MUC5B: variants seen among roughly 807,000 people sequenced by gnomAD.
The protein encoded by MUC5B is mucin-5B.
MUC5B carries 116 observed loss-of-function variants against 376.9 expected under a neutral mutation model. The ratio of observed to expected loss-of-function variants is 0.31; its 90% CI spans 0.26 to 0.36. The LOEUF is 0.36. Among genes scored for constraint, MUC5B ranks in the 10% least tolerant of loss-of-function variants. MUC5B has a pLI of 1.00. For missense variants in MUC5B, 7,165 were observed against 7,769.9 expected, an observed-to-expected ratio of 0.92 and a Z score of 2.93; for synonymous variants, 3,517 against 3,390.9, an observed-to-expected ratio of 1.04 and a Z score of -1.29.
intron 6 of MUC5B, 131 bp from the exon 7 acceptor site, chr11:1,227,544 G>A (rs1333905285): frequency 1.4e-6 from 1 of 693,262 alleles, no homozygotes; most frequent in Non-Finnish European, 2.6e-6. Context: ...ATGGTGGGAG[G>A]AGTGCCCCTC....
In MUC5B at chr11:1,257,307, C is replaced by G. The variant is rs773721158; in HGVS notation, c.16269+36C>G. ...CCACCCCCACCTGCCCTACCCCACCCTCTCGCGAGCTGAGGGAGGGAGGGA... is the reference window on the plus strand; with the variant it reads ...CCACCCCCACCTGCCCTACCCCACCGTCTCGCGAGCTGAGGGAGGGAGGGA... On this transcript the variant is annotated intron_variant, in intron 40 of 48. Coordinates refer to ENST00000529681, the MANE Select transcript of MUC5B (RefSeq NM_002458.3). The surrounding 1 kb of genome is among the most constrained non-coding windows in gnomAD (Gnocchi z 8.9). 2.5e-6 allele frequency: 2 copies of G among 787,330 alleles called. No homozygotes were observed. The highest frequency in any genetic ancestry group is 2.7e-5 in the South Asian group (2 of 74,666). 48.8% of individuals were successfully genotyped at this position (787,330 alleles called of 1,614,324 possible).
At position 1,256,787 on chromosome 11, in the gene MUC5B, T is replaced by G; in HGVS notation, c.16237+16T>G. On this transcript the variant is annotated intron_variant, in intron 39 of 48. Transcript: ENST00000529681. Reference sequence around the variant, plus strand: ...CAGGCCTGCCGTAAGCTCCGCCACCTGTGGCGGGATACGACCCTGGGCCCG... The same window carrying G: ...CAGGCCTGCCGTAAGCTCCGCCACCGGTGGCGGGATACGACCCTGGGCCCG... The G allele has an allele frequency of 4.0e-6, 6 of 1,509,932 alleles. No homozygotes were observed. The highest frequency in any genetic ancestry group is 5.3e-6 in the Non-Finnish European group (6 of 1,127,576). 93.5% of individuals were successfully genotyped at this position (1,509,932 alleles called of 1,614,324 possible). A position where few individuals can be genotyped will look rare whatever the true frequency, so the allele number is the denominator to read the frequency against.
At position 1,249,465 on chromosome 11, in the gene MUC5B, G is replaced by A. The variant is rs1191266004; in HGVS notation, c.12585G>A (p.Leu4195=). Residue 4195 remains leucine, a synonymous_variant, in exon 31 of 49, where the codon CTG becomes CTA. Coordinates refer to ENST00000529681, the MANE Select transcript of MUC5B (RefSeq NM_002458.3). ...TGGGCCAGGTCGTGGAATGCAGCCT[G>A]GACTTTGGCCTGGTCTGCAGGAACC... is the stretch of plus-strand genomic sequence containing the variant. The part of the protein sequence containing the change: ...GELGQVVECS[L]DFGLVCRNRE... 6.2e-7 allele frequency: 1 copy of A among 1,611,474 alleles called. No homozygotes were observed. Among genetic ancestry groups the A allele is most frequent in the Admixed American group, 1.7e-5 (1 of 59,998 alleles).
At position 1,247,139 on chromosome 11, in the gene MUC5B, C is replaced by T. The variant is rs1257501062; in HGVS notation, c.10259C>T (p.Thr3420Ile). 1 of 1,533,896 alleles carries T rather than the reference C, an allele frequency of 6.5e-7. No homozygotes were observed. Among genetic ancestry groups the T allele is most frequent in the Non-Finnish European group, 8.9e-7 (1 of 1,126,240 alleles). ...ACAACTCCCATCCCCCCAGTGCTGA[C>T]CACCACCGCCACCACACCTGCAGCC... ...PGTTPIPPVL[T>I]TTATTPAATS... is the part of the protein sequence containing the mutation. Residue 3420 changes from threonine to isoleucine, a missense_variant, in exon 31 of 49, where the codon ACC becomes ATC. Thr to Ile is a moderately conservative substitution (Grantham distance 89). This residue lies in a region of MUC5B where 939 missense variants were observed against 770.6 expected (regional missense o/e 1.22). Transcript: ENST00000529681.
Position 1,240,090 on chromosome 11 carries a change from T to C in MUC5B, c.3772+2T>C. ...TCCAGTGCGCTCACAGCCTTGAGGG[T>C]AAGGAAGGGCCGGGGGGTTAGTGGG... is the stretch of plus-strand genomic sequence containing the variant. On this transcript the variant is annotated splice_donor_variant, in intron 29 of 48. Coordinates refer to ENST00000529681, the MANE Select transcript of MUC5B (RefSeq NM_002458.3). LOFTEE classifies it high-confidence loss of function. 1 of 1,562,388 alleles carries C rather than the reference T, an allele frequency of 6.4e-7. No individual in the cohort carries two copies. The highest frequency in any genetic ancestry group is 8.7e-7 in the Non-Finnish European group (1 of 1,151,664).
chr11:1,229,035 C>T (rs1162173218), intron 8 of MUC5B, 135 bp from the exon 9 acceptor site: 14 of 1,138,242 alleles, frequency 1.2e-5, no homozygotes, highest in Non-Finnish European at 1.7e-5. Context: ...TGAGGGGCGT[C>T]AGGGCCACCC....
rs1250878186 is a variant in MUC5B at position 1,227,078 on chromosome 11, G to C, written c.509G>C (p.Gly170Ala). ...SRTGLLVEQS[G>A]DYIKVSIRLV... ...ACTGGCCTCCTGGTGGAGCAGAGCG[G>C]GGACTACATCAAGGTCAGCATCCGG... Residue 170 changes from glycine to alanine, a missense_variant, in exon 5 of 49, where the codon GGG becomes GCG. This residue lies in a region of MUC5B where 640 missense variants were observed against 733.0 expected (regional missense o/e 0.87). Transcript: ENST00000529681. 2.5e-6 allele frequency: 4 copies of C among 1,612,408 alleles called. No individual in the cohort carries two copies. In the Admixed American group the frequency reaches 6.7e-5, roughly 27 times the overall value.
In MUC5B at chr11:1,250,328, C is replaced by T; in HGVS notation, c.13448C>T (p.Thr4483Ile). The change falls in exon 31 of 49, where the codon ACC becomes ATC. Residue 4483 changes from threonine (T) to isoleucine (I), a missense_variant. Physicochemically the swap from Thr to Ile is moderately conservative, Grantham distance 89. Transcript: ENST00000529681. ...ACTGCTGGCACCCCACATGTGAGCA[C>T]CACGGCCACGACACCCACAGTCACC... ...QATAGTPHVS[T>I]TATTPTVTSS... 1 of 1,613,384 alleles carries T rather than the reference C, an allele frequency of 6.2e-7. No homozygotes were observed. The highest frequency in any genetic ancestry group is 8.5e-7 in the Non-Finnish European group (1 of 1,179,696).
chr11:1,251,437 A>G lies in MUC5B; in HGVS notation c.14557A>G (p.Thr4853Ala). The change falls in exon 31 of 49, where the codon ACT (threonine) becomes GCT (alanine). Residue 4853 changes from threonine (T) to alanine (A), a missense_variant. Physicochemically the swap from Thr to Ala is moderately conservative, Grantham distance 58. Coordinates refer to ENST00000529681, the MANE Select transcript of MUC5B (RefSeq NM_002458.3). ...CACCTGGATCCTCACAGAGCCGAGC[A>G]CTATAGCCACCGTGATGGTGCCCAC... ...GTTWILTEPS[T>A]IATVMVPTGS... 1.2e-6 allele frequency: 2 copies of G among 1,612,534 alleles called. No individual in the cohort carries two copies. The highest frequency in any genetic ancestry group is 1.7e-5 in the Admixed American group (1 of 59,998).
chr11:1,252,286 C>T, intron 31 of MUC5B, 57 bp from the exon 32 acceptor site: 2 of 1,490,630 alleles, frequency 1.3e-6, no homozygotes, highest in South Asian at 2.7e-5. Context: ...TCTCCCAGAA[C>T]TCTGGCTTAC....
Position 1,241,734 on chromosome 11 carries a change from G to A in MUC5B, c.4854G>A (p.Thr1618=), listed in dbSNP as rs376252136. The change falls in exon 31 of 49, where the codon ACG becomes ACA. Residue 1618 remains threonine, a synonymous_variant. Transcript: ENST00000529681. Reference sequence around the variant, plus strand: ...CGCCACCGACCACAGAGCTGGAGACGGCCACCACCACCACCACCCAGGCCC... The same window carrying A: ...CGCCACCGACCACAGAGCTGGAGACAGCCACCACCACCACCACCCAGGCCC... The part of the protein sequence containing the change: ...TTPPPTTELE[T]ATTTTTQALF... 79 of 1,611,946 alleles carry A rather than the reference G, an allele frequency of 4.9e-5. 1 individual carries two copies. In the African/African-American group the frequency reaches 9.4e-4, roughly 19 times the overall value.
Position 1,245,829 on chromosome 11 carries a change from C to T in MUC5B, c.8949C>T (p.Pro2983=), listed in dbSNP as rs187980357. ...CGGCCACCAGCTCTACGGCCACGCC[C>T]TCCTCCACTCCAGGGACGACCTGGA... ...STPATSSTAT[P]SSTPGTTWIL... is the part of the protein sequence containing the mutation. The change falls in exon 31 of 49, where the codon CCC becomes CCT. Residue 2983 remains proline, a synonymous_variant. Coordinates refer to ENST00000529681, the MANE Select transcript of MUC5B (RefSeq NM_002458.3). 1.3e-3 allele frequency: 2,158 copies of T among 1,612,794 alleles called. 56 individuals are homozygous for T. The African/African-American group carries it at 0.021, about 16-fold the overall frequency.
intron 1 of MUC5B, among the ~76,000 whole-genome samples, chr11:1,224,378 A>G (rs906873781): frequency 1.2e-4 from 18 of 151,198 alleles, no homozygotes; most frequent in South Asian, 2.1e-4. Context: ...TCTGGCTACA[A>G]GATGGAGGCC....
rs375298736 is a variant in MUC5B, at chr11:1,247,689, G to A, written c.10809G>A (p.Ala3603=). The change falls in exon 31 of 49, where the codon GCG becomes GCA. Residue 3603 remains alanine, a synonymous_variant. Transcript: ENST00000529681. The part of the protein sequence containing the change: ...GDFDTYSNIR[A]AGGAVCEQPL... ...TTGACACCTACTCCAACATCCGTGC[G>A]GCCGGAGGGGCAGTCTGTGAGCAGC... The A allele has an allele frequency of 3.6e-5, 57 of 1,583,046 alleles. 2 individuals carry two copies. Among genetic ancestry groups the A allele is most frequent in the African/African-American group, 9.5e-5 (7 of 73,816 alleles).
In MUC5B at chr11:1,241,708, C is replaced by T; in HGVS notation, c.4828C>T (p.Pro1610Ser). ...DDHCRGRATT[P>S]PPTTELETAT... ...CCACTGCAGGGGACGTGCCACAACC[C>T]CGCCACCGACCACAGAGCTGGAGAC... is the stretch of plus-strand genomic sequence containing the variant. Residue 1610 changes from proline (P) to serine (S), a missense_variant, in exon 31 of 49, where the codon CCG becomes TCG. This residue lies in a region of MUC5B where 897 missense variants were observed against 779.6 expected (regional missense o/e 1.15). Coordinates refer to ENST00000529681, the MANE Select transcript of MUC5B (RefSeq NM_002458.3). The T allele has an allele frequency of 6.2e-7, 1 of 1,612,350 alleles. No homozygotes were observed. Among genetic ancestry groups the T allele is most frequent in the South Asian group, 1.1e-5 (1 of 91,018 alleles).
At position 1,245,829 on chromosome 11, in the gene MUC5B, C is replaced by G. The variant is rs187980357; in HGVS notation, c.8949C>G (p.Pro2983=). The part of the protein sequence containing the change: ...STPATSSTAT[P]SSTPGTTWIL... ...CGGCCACCAGCTCTACGGCCACGCCCTCCTCCACTCCAGGGACGACCTGGA... is the reference window on the plus strand; with the variant it reads ...CGGCCACCAGCTCTACGGCCACGCCGTCCTCCACTCCAGGGACGACCTGGA... Residue 2983 remains proline, a synonymous_variant, in exon 31 of 49, where the codon CCC becomes CCG. Transcript: ENST00000529681. The G allele has an allele frequency of 1.9e-6, 3 of 1,612,806 alleles. No homozygotes were observed. The highest frequency in any genetic ancestry group is 2.2e-5 in the South Asian group (2 of 91,066).
chr11:1,226,296 G>C lies in MUC5B; in HGVS notation c.199+20G>C. The C allele has an allele frequency of 1.3e-6, 2 of 1,549,862 alleles. No individual in the cohort carries two copies. The highest frequency in any genetic ancestry group is 1.7e-6 in the Non-Finnish European group (2 of 1,147,384). On this transcript the variant is annotated intron_variant, in intron 3 of 48. Coordinates refer to ENST00000529681, the MANE Select transcript of MUC5B (RefSeq NM_002458.3). Reference sequence around the variant, plus strand: ...TGAGCCGTAAGCAGATGCTGCCCCTGCCAGCCGGGAAGGGGGTGTTTGCCA... The same window carrying C: ...TGAGCCGTAAGCAGATGCTGCCCCTCCCAGCCGGGAAGGGGGTGTTTGCCA...
chr11:1,246,566 C>G lies in MUC5B; in HGVS notation c.9686C>G (p.Ala3229Gly). 6.2e-7 allele frequency: 1 copy of G among 1,613,586 alleles called. No homozygotes were observed. Among genetic ancestry groups the G allele is most frequent in the Non-Finnish European group, 8.5e-7 (1 of 1,179,734 alleles). Residue 3229 changes from alanine to glycine, a missense_variant, in exon 31 of 49, where the codon GCC becomes GGC. Ala to Gly is a moderately conservative substitution (Grantham distance 60). Coordinates refer to ENST00000529681, the MANE Select transcript of MUC5B (RefSeq NM_002458.3). The part of the protein sequence containing the change: ...ATALPALRST[A>G]TTPTATSVTA... The stretch of plus-strand genomic sequence containing the variant: ...GCCCTTCCAGCACTGAGAAGCACAG[C>G]CACCACACCCACAGCTACCAGCGTT...
chr11:1,260,222 C>T, intron 46 of MUC5B, 129 bp from the exon 47 acceptor site: 4 of 1,380,706 alleles, frequency 2.9e-6, no homozygotes, highest in South Asian at 1.3e-5. Flanking sequence ...GAAGCCCCAC[C>T]CCTGCCTGGG....
Sources: allele counts gnomAD v4.1 joint callset (sites outside exome capture counted in the v4.1 genomes callset), GRCh38; gene constraint gnomAD v4.1.1; regional missense constraint gnomAD v4.1.1; non-coding constraint Gnocchi (gnomAD v3.1); transcripts MANE v1.5; gene names NCBI Gene and HGNC (gene_info 2026-07-23, HGNC 2026-07-21).